The following HNF4A variants were observed in gnomAD, a reference collection of about 807,000 sequenced individuals.
HNF4A encodes the protein hepatocyte nuclear factor 4-alpha.
A neutral mutation model predicts 52.4 loss-of-function variants in HNF4A; 15 were observed. The ratio of observed to expected loss-of-function variants is 0.29; its 90% CI spans 0.19 to 0.44. HNF4A has a LOEUF of 0.44. Among genes scored for constraint, HNF4A ranks in the 20% least tolerant of loss-of-function variants. The pLI is 1.00. For missense variants in HNF4A, 479 were observed against 647.2 expected, an observed-to-expected ratio of 0.74 and a Z score of 2.82; for synonymous variants, 280 against 264.4, an observed-to-expected ratio of 1.06 and a Z score of -0.57.
At chr20:44,415,049 G>T (rs906414511) in intron 5 of HNF4A, among the ~76,000 whole-genome samples, 9 of 152,152 alleles carry the variant, frequency 5.9e-5, no homozygotes, top group Admixed American at 2.0e-4. Context: ...ATGTTGACAG[G>T]GACCCTAGGA....
chr20:44,364,777 A>G (rs1378161532), intron 1 of HNF4A, among the ~76,000 whole-genome samples: 3 of 151,942 alleles, frequency 2.0e-5, no homozygotes, highest in Non-Finnish European at 2.9e-5. Flanking sequence ...CGGTCCTTCA[A>G]TTTATTGGGA....
At chr20:44,368,160 A>ATATATATATTTT (rs1200638153) in intron 1 of HNF4A, among the ~76,000 whole-genome samples, 1 of 27,780 alleles carries the variant, frequency 3.6e-5, no homozygotes, top group African/African-American at 1.5e-4. Context: ...ATATATATAT[A>ATATATATATTTT]TTTTTTTTTT....
At chr20:44,422,621 A>T (rs2063761646) in intron 7 of HNF4A, among the ~76,000 whole-genome samples, 2 of 150,776 alleles carry the variant, frequency 1.3e-5, no homozygotes. Context: ...TCATTCATTC[A>T]TCCAGCCATC....
chr20:44,359,177 G>C (rs1231812640), intron 1 of HNF4A, among the ~76,000 whole-genome samples: 1 of 152,152 alleles, frequency 6.6e-6, no homozygotes, highest in Non-Finnish European at 1.5e-5. Flanking sequence ...TGAGTGAAAT[G>C]ATGGGCTTAA....
intron 1 of HNF4A, among the ~76,000 whole-genome samples, chr20:44,382,267 T>G (rs1382608406): frequency 6.7e-6 from 1 of 150,060 alleles, no homozygotes; most frequent in Non-Finnish European, 1.5e-5. Context: ...TGAGACGAAC[T>G]CTCGCTCTGC....
Position 44,431,897 on chromosome 20 carries a change from G to C in HNF4A, c.*2232G>C, listed in dbSNP as rs910182054. 6.6e-6 allele frequency: 1 copy of C among 152,238 alleles called. No homozygotes were observed. Among genetic ancestry groups the C allele is most frequent in the Non-Finnish European group, 1.5e-5 (1 of 68,098 alleles). The allele number at this position is 152,238 out of a possible 1,614,324, so 9.4% of individuals were successfully genotyped here. A position where few individuals can be genotyped will look rare whatever the true frequency, so the allele number is the denominator to read the frequency against. ...CAGGGAGGAATCACCACATCCCTAC[G>C]GCAGTCCCAGCCAAGCCCCCAATCC... On this transcript the variant is annotated 3_prime_UTR_variant, in exon 10 of 10. Coordinates refer to ENST00000316099, the MANE Select transcript of HNF4A (RefSeq NM_000457.6).
At chr20:44,361,687 C>CCAAAA (rs1200750335) in intron 1 of HNF4A, among the ~76,000 whole-genome samples, 1 of 151,560 alleles carries the variant, frequency 6.6e-6, no homozygotes, top group Non-Finnish European at 1.5e-5. Flanking sequence ...CAAAACCAAA[C>CCAAAA]CAAAACAAAA....
intron 3 of HNF4A, among the ~76,000 whole-genome samples, chr20:44,407,789 G>GTGTGTGTGTT: frequency 6.6e-6 from 1 of 151,628 alleles, no homozygotes; most frequent in East Asian, 1.9e-4. Flanking sequence ...GTGTGTGTGT[G>GTGTGTGTGTT]TGTTTAATAT....
upstream of HNF4A, among the ~76,000 whole-genome samples, chr20:44,400,508 C>T (rs1456315006): frequency 3.3e-5 from 5 of 150,196 alleles, no homozygotes; most frequent in Admixed American, 6.7e-5. Flanking sequence ...AGTTAGTAGA[C>T]GGTAGGTGCC....
At chr20:44,428,271 G>A in intron 8 of HNF4A, 64 bp from the exon 9 acceptor site, 1 of 1,557,828 alleles carries the variant, frequency 6.4e-7, no homozygotes, top group Non-Finnish European at 8.8e-7. Flanking sequence ...GAGGAAGATG[G>A]CGTCCCAAGG....
At chr20:44,413,880 A>G in intron 4 of HNF4A, 80 bp downstream of exon 4, 1 of 955,248 alleles carries the variant, frequency 1.0e-6, no homozygotes, top group Non-Finnish European at 1.6e-6. Context: ...CATTCTCCCC[A>G]GCCAGGCCCT....
chr20:44,405,103 CGTAGCGTGTGT>C (rs1266487559), intron 1 of HNF4A, among the ~76,000 whole-genome samples: 2 of 19,506 alleles, frequency 1.0e-4, no homozygotes, highest in Non-Finnish European at 2.2e-4. Context: ...TGTGCTTGTG[CGTAGCGTGTGT>C]GCGTGTGTGT....
At chr20:44,375,642 T>G (rs1259648575) in intron 1 of HNF4A, among the ~76,000 whole-genome samples, 1 of 152,066 alleles carries the variant, frequency 6.6e-6, no homozygotes, top group Non-Finnish European at 1.5e-5. Flanking sequence ...ACTGTGGGTG[T>G]TGGAAGGGAA....
At chr20:44,369,268 A>G (rs1034016921) in intron 1 of HNF4A, among the ~76,000 whole-genome samples, 4 of 148,620 alleles carry the variant, frequency 2.7e-5, no homozygotes, top group Non-Finnish European at 6.0e-5. Context: ...AAAAAAAAAA[A>G]AAAAAAAAAA....
downstream of HNF4A, chr20:44,434,523 G>GGA (rs796708595): frequency 4.3e-4 from 64 of 148,604 alleles, no homozygotes; most frequent in African/African-American, 1.6e-3. Flanking sequence ...AAGCGCGGGG[G>GGA]GGGGGGGGTG....
intron 7 of HNF4A, among the ~76,000 whole-genome samples, chr20:44,422,833 C>CA (rs1164849924): frequency 4.0e-5 from 6 of 151,894 alleles, no homozygotes; most frequent in Admixed American, 2.6e-4. Context: ...CATGTGTCAC[C>CA]ACGCCAGGTG....
chr20:44,420,609 G>A (rs906269570), intron 7 of HNF4A, among the ~76,000 whole-genome samples: 10 of 151,994 alleles, frequency 6.6e-5, no homozygotes, highest in Admixed American at 2.6e-4. Context: ...ACAAGACCTC[G>A]TCTCTATAGA....
At chr20:44,391,981 A>G (rs2063307062) in intron 1 of HNF4A, 1 of 152,188 alleles carries the variant, frequency 6.6e-6, no homozygotes, top group Non-Finnish European at 1.5e-5. Context: ...AATTAAGTAA[A>G]ATATTAAATA....
chr20:44,411,449 G>A (rs1342413220), intron 3 of HNF4A, among the ~76,000 whole-genome samples: 1 of 150,202 alleles, frequency 6.7e-6, no homozygotes, highest in East Asian at 2.0e-4. Flanking sequence ...GCTGACAGCA[G>A]CCCTTTCATT....
Sources: allele counts gnomAD v4.1 joint callset (sites outside exome capture counted in the v4.1 genomes callset), GRCh38; gene constraint gnomAD v4.1.1; transcripts MANE v1.5; gene names NCBI Gene and HGNC (gene_info 2026-07-23, HGNC 2026-07-21).